ELF2: variants seen among roughly 807,000 people sequenced by gnomAD.
ELF2 encodes E74 like ETS transcription factor 2, also known as ETS-related transcription factor Elf-2.
ELF2 carries 11 observed loss-of-function variants against 54.8 expected under a neutral mutation model. The ratio of observed to expected loss-of-function variants is 0.20; its 90% CI spans 0.13 to 0.33. The LOEUF (loss-of-function observed/expected upper bound fraction) is 0.33, where lower values mean the gene tolerates loss of function less well. Ranked by LOEUF, ELF2 falls within the 10% of genes least tolerant of loss-of-function variation. The pLI, the probability that ELF2 is intolerant of heterozygous loss-of-function variation, is 1.00. For missense variants in ELF2, 513 were observed against 703.0 expected, an observed-to-expected ratio of 0.73 and a Z score of 3.06; for synonymous variants, 203 against 245.1, an observed-to-expected ratio of 0.83 and a Z score of 1.61.
intron 4 of ELF2, among the ~76,000 whole-genome samples, chr4:139,098,173 T>C (rs1733484863): frequency 6.6e-6 from 1 of 152,238 alleles, no homozygotes; most frequent in African/African-American, 2.4e-5. Context: ...TGTAGTTGAA[T>C]TCTTTGATAC....
intron 4 of ELF2, among the ~76,000 whole-genome samples, chr4:139,106,202 C>T (rs1734384205): frequency 6.6e-6 from 1 of 152,062 alleles, no homozygotes; most frequent in Non-Finnish European, 1.5e-5. Context: ...ACTCCATTAA[C>T]GAATATGAAA....
At chr4:139,112,353 CATA>C (rs1352685553) in intron 4 of ELF2, among the ~76,000 whole-genome samples, 3 of 152,180 alleles carry the variant, frequency 2.0e-5, no homozygotes, top group Non-Finnish European at 4.4e-5. Flanking sequence ...CACATTTTAT[CATA>C]ATAACATGTT....
Position 139,065,247 on chromosome 4 carries a change from G to C in ELF2, c.613+2437C>G, listed in dbSNP as rs193235767. ...AATGAACAATTCTAAGGAGGCCAAG[G>C]CTGAAGGATCACTTGAGCCTAGGAG... On this transcript the variant is annotated intron_variant, in intron 7 of 9. Transcript: ENST00000686138. Among the ~76,000 whole-genome samples the C allele has an allele frequency of 5.1e-4, 78 of 152,264 alleles. 1 individual carries two copies. The highest frequency in any genetic ancestry group is 3.4e-3 in the Middle Eastern group (1 of 294).
intron 4 of ELF2, among the ~76,000 whole-genome samples, chr4:139,096,435 G>A (rs1459298074): frequency 6.6e-6 from 1 of 151,926 alleles, no homozygotes; most frequent in Non-Finnish European, 1.5e-5. Context: ...TAATTTGTCT[G>A]GGCTTTCTAT....
intron 1 of ELF2, among the ~76,000 whole-genome samples, chr4:139,142,626 G>A (rs1314178890): frequency 6.6e-6 from 1 of 152,134 alleles, no homozygotes; most frequent in African/African-American, 2.4e-5. Flanking sequence ...AGTAATTGCA[G>A]TTTTGCCATT....
At chr4:139,101,971 TAAAGAA>T (rs1162181861) in intron 4 of ELF2, 1 of 148,388 alleles carries the variant, frequency 6.7e-6, no homozygotes, top group Non-Finnish European at 1.5e-5. Context: ...CCAATGTCCC[TAAAGAA>T]AAAGATAAAA....
intron 1 of ELF2, among the ~76,000 whole-genome samples, chr4:139,142,321 C>A (rs80165647): frequency 6.6e-6 from 1 of 152,186 alleles, no homozygotes; most frequent in East Asian, 1.9e-4. Flanking sequence ...AAATTCAACA[C>A]CCTCAAGAGG....
chr4:139,121,075 GTATTTTGAATA>G (rs993335716), intron 4 of ELF2, among the ~76,000 whole-genome samples: 5 of 98,490 alleles, frequency 5.1e-5, no homozygotes, highest in African/African-American at 2.0e-4. Context: ...TGACTGCTTT[GTATTTTGAATA>G]TAACACAGAT....
intron 1 of ELF2, among the ~76,000 whole-genome samples, chr4:139,147,967 G>C (rs1294356439): frequency 1.3e-5 from 2 of 151,404 alleles, no homozygotes; most frequent in Non-Finnish European, 2.9e-5. Flanking sequence ...TGTATTTTTA[G>C]TAGAGACAGG....
At position 139,059,041 on chromosome 4, in the gene ELF2, G is replaced by A. The variant is rs1421457858; in HGVS notation, c.1724C>T (p.Ser575Leu). The A allele has an allele frequency of 2.2e-5, 36 of 1,613,810 alleles. No homozygotes were observed. Among genetic ancestry groups the A allele is most frequent in the Admixed American group, 1.7e-4 (10 of 59,984 alleles). ...VTHVVVVSAP[S>L]AIALPVTMKT... Reference sequence around the variant, plus strand: ...CATAGTTACAGGAAGGGCAATAGCTGAAGGCGCACTGACAACCACTACGTG... The same window carrying A: ...CATAGTTACAGGAAGGGCAATAGCTAAAGGCGCACTGACAACCACTACGTG... The change falls in exon 10 of 10, where the codon TCA (serine) becomes TTA (leucine). Residue 575 changes from serine (S) to leucine (L), a missense_variant. Physicochemically the swap from Ser to Leu is moderately radical, Grantham distance 145. Around this residue, in one of 3 missense-constraint regions of ELF2, gnomAD observed 291 missense variants for 366.1 expected, o/e 0.79. Transcript: ENST00000686138.
intron 4 of ELF2, among the ~76,000 whole-genome samples, chr4:139,104,763 T>A (rs1032703643): frequency 6.6e-6 from 1 of 152,166 alleles, no homozygotes; most frequent in Admixed American, 6.6e-5. Context: ...TTAATTCCAT[T>A]TGACTTGTTC....
Position 139,071,971 on chromosome 4 carries a change from T to C in ELF2, c.421A>G (p.Ile141Val), listed in dbSNP as rs754515357. The C allele has an allele frequency of 1.2e-6, 2 of 1,614,022 alleles. No homozygotes were observed. Among genetic ancestry groups the C allele is most frequent in the African/African-American group, 2.7e-5 (2 of 75,046 alleles). Residue 141 changes from isoleucine to valine, a missense_variant, in exon 6 of 10, where the codon ATT becomes GTT. Around this residue, in one of 3 missense-constraint regions of ELF2, gnomAD observed 203 missense variants for 245.9 expected, o/e 0.83. Coordinates refer to ENST00000686138, the MANE Select transcript of ELF2 (RefSeq NM_001331036.3). ...GACACCTCCACTACAGTTTCTGTAA[T>C]GACATCTGGCCTCATAGCAGCATGG... ...FIHAAMRPDV[I>V]TETVVEVSTE...
chr4:139,098,801 T>C (rs539664764), intron 4 of ELF2, among the ~76,000 whole-genome samples: 77 of 152,348 alleles, frequency 5.1e-4, no homozygotes, highest in African/African-American at 1.8e-3. Context: ...GTTTATCTGT[T>C]ATATATTAGC....
rs769596396 is a variant in ELF2 at position 139,061,853 on chromosome 4, T to C, written c.806+12A>G. The C allele has an allele frequency of 5.6e-6, 9 of 1,610,720 alleles. No homozygotes were observed. The South Asian group carries it at 7.8e-5, about 14-fold the overall frequency. On this transcript the variant is annotated intron_variant, in intron 8 of 9. Transcript: ENST00000686138. ...AAATTTTGTTTGAATACTAGCTCAT[T>C]TGAGTTTTTACCTCAAAGCTCGTCC...
At chr4:139,100,097 C>G (rs1346624392) in intron 4 of ELF2, among the ~76,000 whole-genome samples, 1 of 152,168 alleles carries the variant, frequency 6.6e-6, no homozygotes, top group Non-Finnish European at 1.5e-5. Flanking sequence ...CATCAGAGTA[C>G]AATGCTTGAG....
intron 4 of ELF2, among the ~76,000 whole-genome samples, chr4:139,118,762 A>C (rs1309026523): frequency 1.3e-5 from 2 of 152,204 alleles, no homozygotes; most frequent in Admixed American, 6.5e-5. Flanking sequence ...ATTCCATTCT[A>C]ATGTATAAAA....
rs1176856000 is a variant in ELF2, at chr4:139,057,295, T to C, written c.*1688A>G. 6.6e-6 allele frequency: 1 copy of C among 152,236 alleles called. No homozygotes were observed. The highest frequency in any genetic ancestry group is 1.9e-4 in the East Asian group (1 of 5,202). The allele number at this position is 152,236 out of a possible 1,614,324, so 9.4% of individuals were successfully genotyped here. A position where few individuals can be genotyped will look rare whatever the true frequency, so the allele number is the denominator to read the frequency against. On this transcript the variant is annotated 3_prime_UTR_variant, in exon 10 of 10. Coordinates refer to ENST00000686138, the MANE Select transcript of ELF2 (RefSeq NM_001331036.3). ...TATAAAAGTATCATCAATATATTTA[T>C]GGAAAAGTTTAAAAGATTACAAAGG...
At chr4:139,106,990 C>A (rs540223329) in intron 4 of ELF2, among the ~76,000 whole-genome samples, 1 of 152,068 alleles carries the variant, frequency 6.6e-6, no homozygotes, top group South Asian at 2.1e-4. Context: ...AGGTGTTTCA[C>A]CTGCTTCGGC....
At position 139,058,008 on chromosome 4, in the gene ELF2, A is replaced by T. The variant is rs537063141; in HGVS notation, c.*975T>A. 1.3e-5 allele frequency: 2 copies of T among 152,448 alleles called. No homozygotes were observed. The highest frequency in any genetic ancestry group is 2.9e-5 in the Non-Finnish European group (2 of 67,962). The allele number at this position is 152,448 out of a possible 1,614,324, so 9.4% of individuals were successfully genotyped here. A position where few individuals can be genotyped will look rare whatever the true frequency, so the allele number is the denominator to read the frequency against. ...GGTATTTCCCTCATAAACTTCAACTAAAAAAAAGAAAAAAAAACAAAGAAA... is the reference window on the plus strand; with the variant it reads ...GGTATTTCCCTCATAAACTTCAACTTAAAAAAAGAAAAAAAAACAAAGAAA... On this transcript the variant is annotated 3_prime_UTR_variant, in exon 10 of 10. Transcript: ENST00000686138.
Sources: allele counts gnomAD v4.1 joint callset (sites outside exome capture counted in the v4.1 genomes callset), GRCh38; gene constraint gnomAD v4.1.1; regional missense constraint gnomAD v4.1.1; transcripts MANE v1.5; gene names NCBI Gene and HGNC (gene_info 2026-07-23, HGNC 2026-07-21).